KIAA0408: variants seen among roughly 807,000 people sequenced by gnomAD.
KIAA0408 encodes uncharacterized protein KIAA0408.
A neutral mutation model predicts 60.9 loss-of-function variants in KIAA0408; 51 were observed. The observed-to-expected ratio is 0.84, with a 90% CI of 0.67 to 1.06. KIAA0408 has a LOEUF of 1.06. KIAA0408 is among the 50% of genes least tolerant of loss of function. The pLI is 0.00. For synonymous variants in KIAA0408, 304 were observed against 282.4 expected, an observed-to-expected ratio of 1.08 and a Z score of -0.77; for missense variants, 787 against 833.9, an observed-to-expected ratio of 0.94 and a Z score of 0.69.
rs757484814 is a variant in KIAA0408 at position 127,446,564 on chromosome 6, C to T, written c.1755G>A (p.Gln585=). 67 of 1,614,052 alleles carry T rather than the reference C, an allele frequency of 4.2e-5. 2 individuals carry two copies. The Middle Eastern group carries it at 6.6e-4, about 16-fold the overall frequency. ...ESALQNSKCF[Q]DNWTKCNSDV... ...CAGAATTACATTTGGTCCAATTATC[C>T]TGGAAGCACTTAGAATTTTGCAATG... is the stretch of plus-strand genomic sequence containing the variant. The change falls in exon 5 of 6, where the codon CAG becomes CAA. Residue 585 remains glutamine (Q), a synonymous_variant. Coordinates refer to ENST00000483725, the MANE Select transcript of KIAA0408 (RefSeq NM_014702.5).
chr6:127,451,172 GTC>G (rs1338853491), intron 2 of KIAA0408: 2 of 391,606 alleles, frequency 5.1e-6, no homozygotes, highest in Non-Finnish European at 1.0e-5. Flanking sequence ...AAAAGAGACT[GTC>G]AGATGACTAT....
Position 127,446,924 on chromosome 6 carries a change from G to A in KIAA0408, c.1395C>T (p.Cys465=). The A allele has an allele frequency of 1.2e-6, 2 of 1,614,130 alleles. No homozygotes were observed. The change falls in exon 5 of 6, where the codon TGC becomes TGT. Residue 465 remains cysteine (C), a synonymous_variant. Transcript: ENST00000483725. ...NCQAIQQNHS[C]SKSSEDLKPC... ...GCTTGAGATCCTCCGATGATTTTGA[G>A]CAGCTGTGATTTTGCTGTATTGCCT... is the stretch of plus-strand genomic sequence containing the variant.
chr6:127,450,168 CTT>C lies in KIAA0408; in HGVS notation c.318_319del (p.Glu108AlafsTer12), dbSNP rs1278482165. ...TCCTCCACTGACTAAGCTCTGCTCT[CTT>C]TTATTTTCTTTTCTCAGACCATCTT... On this transcript the variant is annotated frameshift_variant, in exon 3 of 6. Transcript: ENST00000483725. LOFTEE classifies it high-confidence loss of function. The C allele has an allele frequency of 6.2e-7, 1 of 1,614,078 alleles. No homozygotes were observed. Among genetic ancestry groups the C allele is most frequent in the South Asian group, 1.1e-5 (1 of 91,088 alleles).
rs1583071574 is a variant in KIAA0408 at position 127,453,967 on chromosome 6, C to T, written c.15G>A (p.Lys5=). 6.2e-7 allele frequency: 1 copy of T among 1,612,364 alleles called. No homozygotes were observed. The highest frequency in any genetic ancestry group is 8.5e-7 in the Non-Finnish European group (1 of 1,178,918). MDLH[K]QWENTETNWH... is the part of the protein sequence containing the mutation. ...AGTTAGTCTCTGTGTTCTCCCACTG[C>T]TTATGTAGGTCCATGGCAACAGTGT... Residue 5 remains lysine (K), a synonymous_variant, in exon 2 of 6, where the codon AAG becomes AAA. Transcript: ENST00000483725.
chr6:127,449,988 A>C lies in KIAA0408; in HGVS notation c.498+2T>G, dbSNP rs1773272938. 1 of 1,613,756 alleles carries C rather than the reference A, an allele frequency of 6.2e-7. No individual in the cohort carries two copies. Among genetic ancestry groups the C allele is most frequent in the Admixed American group, 1.7e-5 (1 of 59,910 alleles). The stretch of plus-strand genomic sequence containing the variant: ...GTTCTAGGCCAATCACATCTTACTT[A>C]CTGTACTGAGGGCGCCAGAACAGCT... On this transcript the variant is annotated splice_donor_variant, in intron 3 of 5. Transcript: ENST00000483725. LOFTEE classifies it high-confidence loss of function.
chr6:127,450,558 G>A, intron 2 of KIAA0408: 1 of 638,460 alleles, frequency 1.6e-6, no homozygotes, highest in East Asian at 3.2e-5. Context: ...ACTTTTAGTA[G>A]GGCAACACAT....
Position 127,447,378 on chromosome 6 carries a change from G to A in KIAA0408, c.941C>T (p.Pro314Leu), listed in dbSNP as rs1228439576. The A allele has an allele frequency of 6.2e-7, 1 of 1,612,112 alleles. No homozygotes were observed. Among genetic ancestry groups the A allele is most frequent in the African/African-American group, 1.3e-5 (1 of 74,766 alleles). ...CATAGACATCTCTTGTTGTCTCAAA[G>A]GGAAGTGAGGGTTGTAATTCCTTTT... is the stretch of plus-strand genomic sequence containing the variant. ...RSKRNYNPHF[P>L]LRQQEMSMLY... The change falls in exon 5 of 6, where the codon CCT becomes CTT. Residue 314 changes from proline (P) to leucine (L), a missense_variant. Transcript: ENST00000483725.
At chr6:127,458,545 C>T (rs1241934791) in intron 1 of KIAA0408, among the ~76,000 whole-genome samples, 1 of 152,108 alleles carries the variant, frequency 6.6e-6, no homozygotes, top group Non-Finnish European at 1.5e-5. Context: ...TTATAAAATG[C>T]AAACTTTAAA....
rs1382692372 is a variant in KIAA0408, at chr6:127,441,856, T to C, written c.*2253A>G. The C allele has an allele frequency of 1.3e-5, 2 of 152,154 alleles. No homozygotes were observed. The highest frequency in any genetic ancestry group is 3.9e-4 in the East Asian group (2 of 5,190). The allele number at this position is 152,154 out of a possible 1,614,324, so 9.4% of individuals were successfully genotyped here. ...TGGACTAGATGCTATTTTTTTTTTC[T>C]CAGCTCTAACTATAATTTTAGTCAA... On this transcript the variant is annotated 3_prime_UTR_variant, in exon 6 of 6. Coordinates refer to ENST00000483725, the MANE Select transcript of KIAA0408 (RefSeq NM_014702.5).
At chr6:127,444,660 T>A (rs574174411) in intron 5 of KIAA0408, among the ~76,000 whole-genome samples, 9 of 152,188 alleles carry the variant, frequency 5.9e-5, no homozygotes, top group Non-Finnish European at 1.2e-4. Flanking sequence ...AATAAAAAGA[T>A]AATTTATAGA....
In KIAA0408 at chr6:127,444,261, A is replaced by G; in HGVS notation, c.1933T>C (p.Ser645Pro). 6.3e-7 allele frequency: 1 copy of G among 1,598,916 alleles called. No homozygotes were observed. The highest frequency in any genetic ancestry group is 8.5e-7 in the Non-Finnish European group (1 of 1,173,456). ...GGTCGGGAAAATCCTTTTCCATGTG[A>G]GGCGTTCACTGACATGGATTCCTAG... ...ITEESMSVNA[S>P]HGKGFSRPAR... The change falls in exon 6 of 6, where the codon TCA becomes CCA. Residue 645 changes from serine to proline, a missense_variant. Ser to Pro is a moderately conservative substitution (Grantham distance 74, BLOSUM62 -1). Around this residue, in one of 3 missense-constraint regions of KIAA0408, gnomAD observed 133 missense variants for 119.2 expected, o/e 1.12. Transcript: ENST00000483725.
chr6:127,458,716 A>T lies in KIAA0408; in HGVS notation c.-121+459T>A, dbSNP rs192234253. Among the ~76,000 whole-genome samples, 19 of 152,318 alleles carry T rather than the reference A, an allele frequency of 1.2e-4. No individual in the cohort carries two copies. In the East Asian group the frequency reaches 3.7e-3, roughly 29 times the overall value. The stretch of plus-strand genomic sequence containing the variant: ...CTAACTCTACAGTGAGTCCACCACC[A>T]CCTTAGATAAAACTAAAATTTATTT... On this transcript the variant is annotated intron_variant, in intron 1 of 5. Coordinates refer to ENST00000483725, the MANE Select transcript of KIAA0408 (RefSeq NM_014702.5).
In KIAA0408 at chr6:127,438,472, C is replaced by G. The variant is rs1475078551; in HGVS notation, c.*5637G>C. The G allele has an allele frequency of 6.6e-6, 1 of 152,086 alleles. No individual in the cohort carries two copies. Among genetic ancestry groups the G allele is most frequent in the African/African-American group, 2.4e-5 (1 of 41,414 alleles). The allele number at this position is 152,086 out of a possible 1,614,324, so 9.4% of individuals were successfully genotyped here. On this transcript the variant is annotated 3_prime_UTR_variant, in exon 6 of 6. Coordinates refer to ENST00000483725, the MANE Select transcript of KIAA0408 (RefSeq NM_014702.5). ...ATGAGTAAGTAATTGAAAAATAAAG[C>G]TTCAAAAATAAACTGGCAGCAGAGC...
chr6:127,444,373 T>C (rs1254803465), intron 5 of KIAA0408, 91 bp from the exon 6 acceptor site: 5 of 968,976 alleles, frequency 5.2e-6, no homozygotes, highest in Non-Finnish European at 7.3e-6. Context: ...ATTAGTCCGT[T>C]AGTAAATTTA....
In KIAA0408 at chr6:127,447,526, G is replaced by A. The variant is rs1314418033; in HGVS notation, c.793C>T (p.Pro265Ser). ...GTGCTTCTTGGAGGAGGAACTGGTG[G>A]AGTTTCATTTCTTTTTAAATCGATT... Reference protein sequence around the residue: ...DTIDLKRNETPPVPPPRSTSR... With the variant: ...DTIDLKRNETSPVPPPRSTSR... The change falls in exon 5 of 6, where the codon CCA becomes TCA. Residue 265 changes from proline to serine, a missense_variant. Physicochemically the swap from Pro to Ser is moderately conservative, Grantham distance 74. Around this residue, in one of 3 missense-constraint regions of KIAA0408, gnomAD observed 640 missense variants for 681.3 expected, o/e 0.94. Transcript: ENST00000483725. 6.2e-7 allele frequency: 1 copy of A among 1,610,916 alleles called. No individual in the cohort carries two copies. Among genetic ancestry groups the A allele is most frequent in the African/African-American group, 1.3e-5 (1 of 74,626 alleles).
chr6:127,459,056 G>A (rs1290085991), intron 1 of KIAA0408, 119 bp downstream of exon 1: 1 of 152,224 alleles, frequency 6.6e-6, no homozygotes, highest in East Asian at 1.9e-4. Flanking sequence ...AGCAGAGACA[G>A]ATGTTGAAAT....
In KIAA0408 at chr6:127,447,614, CCTGTTTTT is replaced by C; in HGVS notation, c.697_704del (p.Lys233GlufsTer20). 1 of 1,612,848 alleles carries C rather than the reference CCTGTTTTT, an allele frequency of 6.2e-7. No homozygotes were observed. Among genetic ancestry groups the C allele is most frequent in the Non-Finnish European group, 8.5e-7 (1 of 1,179,612 alleles). On this transcript the variant is annotated frameshift_variant, in exon 5 of 6. Coordinates refer to ENST00000483725, the MANE Select transcript of KIAA0408 (RefSeq NM_014702.5). LOFTEE classifies it high-confidence loss of function. Reference sequence around the variant, plus strand: ...GCACATTGGTACAGCTCAGATTCTTCCTGTTTTTCTGTTTTTCTTTTTCTAAACTGATT... The same window carrying C: ...GCACATTGGTACAGCTCAGATTCTTCCTGTTTTTCTTTTTCTAAACTGATT...
intron 4 of KIAA0408, among the ~76,000 whole-genome samples, chr6:127,449,447 C>A (rs926982207): frequency 2.0e-5 from 3 of 151,856 alleles, no homozygotes; most frequent in Non-Finnish European, 4.4e-5. Flanking sequence ...GTCAGGAGTT[C>A]GAGACCATGC....
At chr6:127,452,173 T>G (rs1773313158) in intron 2 of KIAA0408, among the ~76,000 whole-genome samples, 1 of 152,202 alleles carries the variant, frequency 6.6e-6, no homozygotes, top group Non-Finnish European at 1.5e-5. Flanking sequence ...AAGATATATG[T>G]GCATACCTGG....
Sources: allele counts gnomAD v4.1 joint callset (sites outside exome capture counted in the v4.1 genomes callset), GRCh38; gene constraint gnomAD v4.1.1; regional missense constraint gnomAD v4.1.1; transcripts MANE v1.5; gene names NCBI Gene and HGNC (gene_info 2026-07-23, HGNC 2026-07-21).